The following FAM228B variants were observed in gnomAD, a reference collection of about 807,000 sequenced individuals.
FAM228B encodes the protein protein FAM228B.
In FAM228B, 38 loss-of-function variants were observed where a neutral mutation model predicts 42.6. The observed-to-expected ratio is 0.89, with a 90% confidence interval of 0.69 to 1.17. FAM228B has a LOEUF of 1.17. Ranked by LOEUF, FAM228B falls within the 50% of genes most tolerant of loss-of-function variation. The probability of loss-of-function intolerance (pLI) is 0.00; values close to 1 mark genes in which losing one functional copy is unlikely to be tolerated. For missense variants in FAM228B, 344 were observed against 367.3 expected, an observed-to-expected ratio of 0.94 and a Z score of 0.52; for synonymous variants, 109 against 122.3, an observed-to-expected ratio of 0.89 and a Z score of 0.72.
chr2:24,105,484 T>C (rs1248900021), intron 3 of FAM228B, among the ~76,000 whole-genome samples: 2 of 152,222 alleles, frequency 1.3e-5, no homozygotes, highest in South Asian at 2.1e-4. Flanking sequence ...ACTTCAAAGA[T>C]TGAAGGAACA....
At chr2:24,142,982 G>A (rs988481285) in intron 5 of FAM228B, among the ~76,000 whole-genome samples, 22 of 152,104 alleles carry the variant, frequency 1.4e-4, no homozygotes, top group African/African-American at 4.3e-4. Context: ...AGATTCATTC[G>A]AAGTGCAAGA....
At chr2:24,124,196 G>T in intron 1 of FAM228B, 134 bp from the exon 2 acceptor site, 2 of 551,076 alleles carry the variant, frequency 3.6e-6, no homozygotes, top group East Asian at 3.0e-5. Context: ...TGTAGTGAAG[G>T]CCTCTTGTTA....
At chr2:24,116,446 C>A (rs1665919290) in intron 3 of FAM228B, among the ~76,000 whole-genome samples, 1 of 152,184 alleles carries the variant, frequency 6.6e-6, no homozygotes, top group Non-Finnish European at 1.5e-5. Flanking sequence ...CCTGCCTCAG[C>A]CTCTTGAGTA....
intron 7 of FAM228B, among the ~76,000 whole-genome samples, chr2:24,155,353 A>G (rs919449161): frequency 1.3e-5 from 2 of 150,976 alleles, no homozygotes; most frequent in African/African-American, 2.4e-5. Context: ...TTTTTAGATG[A>G]TTGTCAGATT....
chr2:24,090,184 C>T (rs893500972), intron 2 of FAM228B, among the ~76,000 whole-genome samples: 4 of 151,408 alleles, frequency 2.6e-5, no homozygotes, highest in East Asian at 2.0e-4. Context: ...AGGAGAATGG[C>T]GTGAACCCGG....
rs544550300 is a variant in FAM228B, at chr2:24,151,256, A to G, written c.686+4170A>G. ...TTCAGCATGTCAGTTGCATTTTTCA[A>G]CTATAGAATTTCTGCTTGTTTTGTT... is the stretch of plus-strand genomic sequence containing the variant. On this transcript the variant is annotated intron_variant, in intron 7 of 10. Transcript: ENST00000615575. 4.6e-5 allele frequency among the ~76,000 whole-genome samples: 7 copies of G among 151,670 alleles called. 1 individual carries two copies. The highest frequency in any genetic ancestry group is 4.6e-4 in the Admixed American group (7 of 15,242).
At chr2:24,159,702 T>C (rs927796802) in intron 7 of FAM228B, among the ~76,000 whole-genome samples, 8 of 152,216 alleles carry the variant, frequency 5.3e-5, no homozygotes, top group Admixed American at 4.6e-4. Context: ...TATACCAAAT[T>C]TCTGGGATCA....
chr2:24,088,681 G>C (rs140751821), intron 2 of FAM228B, among the ~76,000 whole-genome samples: 1,729 of 152,300 alleles, frequency 0.011, 51 homozygotes, highest in African/African-American at 0.04. Context: ...ACTAGTAAAC[G>C]TAAGTGTTTC....
chr2:24,106,316 C>CTTTTTTT (rs386389714), intron 3 of FAM228B, among the ~76,000 whole-genome samples: 19 of 106,386 alleles, frequency 1.8e-4, no homozygotes, highest in Non-Finnish European at 2.2e-4. Flanking sequence ...ATTCAGCATT[C>CTTTTTTT]TTTTTTTTTT....
chr2:24,087,025 G>A (rs1162450166), intron 2 of FAM228B, among the ~76,000 whole-genome samples: 1 of 152,090 alleles, frequency 6.6e-6, no homozygotes, highest in Non-Finnish European at 1.5e-5. Context: ...TAAGATGCAA[G>A]GAGTAACTTT....
At chr2:24,137,534 C>T (rs1285568558) in intron 3 of FAM228B, among the ~76,000 whole-genome samples, 1 of 152,092 alleles carries the variant, frequency 6.6e-6, no homozygotes, top group Non-Finnish European at 1.5e-5. Context: ...ACTCTGTTAC[C>T]CAGGCTAGAG....
intron 2 of FAM228B, among the ~76,000 whole-genome samples, chr2:24,129,531 C>A (rs1390057643): frequency 6.6e-6 from 1 of 151,818 alleles, no homozygotes; most frequent in Non-Finnish European, 1.5e-5. Context: ...AATCTTTATT[C>A]TTCCTTTTTT....
chr2:24,118,953 A>C (rs1182523388), upstream of FAM228B, among the ~76,000 whole-genome samples: 1 of 152,230 alleles, frequency 6.6e-6, no homozygotes, highest in Admixed American at 6.5e-5. Flanking sequence ...ATCTAAACAC[A>C]AACACAATTT....
intron 7 of FAM228B, among the ~76,000 whole-genome samples, chr2:24,153,388 G>C (rs927579591): frequency 1.2e-4 from 18 of 152,138 alleles, no homozygotes; most frequent in African/African-American, 4.1e-4. Context: ...AGGGCCCAAG[G>C]GCTCCTTAGT....
chr2:24,144,234 A>C (rs539400067), intron 5 of FAM228B, among the ~76,000 whole-genome samples: 1 of 152,256 alleles, frequency 6.6e-6, no homozygotes, highest in Admixed American at 6.5e-5. Context: ...TGAACTCAGC[A>C]TTCGAGACCA....
rs1573712620 is a variant in FAM228B at position 24,077,415 on chromosome 2, C to G, written c.-290+446C>G. The G allele has an allele frequency of 2.4e-6, 2 of 836,450 alleles. No individual in the cohort carries two copies. Among genetic ancestry groups the G allele is most frequent in the Non-Finnish European group, 3.4e-6 (2 of 587,274 alleles). The allele number at this position is 836,450 out of a possible 1,614,324, so 51.8% of individuals were successfully genotyped here. On this transcript the variant is annotated intron_variant, in intron 1 of 10. Transcript: ENST00000613899. The surrounding 1 kb of genome is among the most constrained non-coding windows in gnomAD (Gnocchi z 5.5). ...CCACCTCAACCCCGCCGCGGCGGCC[C>G]CAGTCCGCGTGCCACCCTTCCAGTT...
chr2:24,113,482 A>C (rs1665833576), intron 3 of FAM228B, among the ~76,000 whole-genome samples: 1 of 152,216 alleles, frequency 6.6e-6, no homozygotes, highest in Admixed American at 6.5e-5. Flanking sequence ...AAGTGGAAGC[A>C]TCGCTTGAGC....
intron 7 of FAM228B, among the ~76,000 whole-genome samples, chr2:24,161,285 A>C (rs981090474): frequency 6.6e-6 from 1 of 152,046 alleles, no homozygotes; most frequent in Non-Finnish European, 1.5e-5. Flanking sequence ...ATCTCTACAA[A>C]AAATAAAAAT....
At chr2:24,166,054 A>AAAATATATATATATATATATAT (rs56146407) in intron 9 of FAM228B, 15 of 81,042 alleles carry the variant, frequency 1.9e-4, no homozygotes, top group East Asian at 4.4e-4. Context: ...AAAAAAAAAA[A>AAAATATATATATATATATATAT]ATATATATAT....
Sources: allele counts gnomAD v4.1 joint callset (sites outside exome capture counted in the v4.1 genomes callset), GRCh38; gene constraint gnomAD v4.1.1; non-coding constraint Gnocchi (gnomAD v3.1); transcripts MANE v1.5; gene names NCBI Gene and HGNC (gene_info 2026-07-23, HGNC 2026-07-21).